MCCC2: variants seen among roughly 807,000 people sequenced by gnomAD.
The protein encoded by MCCC2 is methylcrotonyl-CoA carboxylase subunit 2, also known as methylcrotonoyl-CoA carboxylase beta chain, mitochondrial.
In MCCC2, 52 loss-of-function variants were observed where a neutral mutation model predicts 77.2. That is an observed-to-expected ratio of 0.67 (90% CI 0.54 to 0.85). The LOEUF (loss-of-function observed/expected upper bound fraction) is 0.85, where lower values mean the gene tolerates loss of function less well. Among genes scored for constraint, MCCC2 ranks in the 40% least tolerant of loss-of-function variants. The probability of loss-of-function intolerance (pLI) is 0.00; values close to 1 mark genes in which losing one functional copy is unlikely to be tolerated. For synonymous variants in MCCC2, 253 were observed against 248.4 expected, an observed-to-expected ratio of 1.02 and a Z score of -0.18; for missense variants, 682 against 703.2, an observed-to-expected ratio of 0.97 and a Z score of 0.34.
In MCCC2 at chr5:71,650,161, A is replaced by T. The variant is rs140741456; in HGVS notation, c.1466A>T (p.Gln489Leu). Reference sequence around the variant, plus strand: ...GTGTTGGCCACGATAACAAAGGACCAAAGAGCCCGGGAAGGAAAGCAGGTC... The same window carrying T: ...GTGTTGGCCACGATAACAAAGGACCTAAGAGCCCGGGAAGGAAAGCAGGTC... ...ANVLATITKD[Q>L]RAREGKQFSS... Residue 489 changes from glutamine to leucine, a missense_variant, in exon 15 of 17, where the codon CAA (glutamine) becomes CTA (leucine). Transcript: ENST00000340941. The T allele has an allele frequency of 3.1e-6, 5 of 1,614,052 alleles. No homozygotes were observed. Among genetic ancestry groups the T allele is most frequent in the Non-Finnish European group, 4.2e-6 (5 of 1,180,002 alleles).
At position 71,640,998 on chromosome 5, in the gene MCCC2, C is replaced by T. The variant is rs550520358; in HGVS notation, c.1000-5C>T. On this transcript the variant is annotated splice_polypyrimidine_tract_variant and splice_region_variant and intron_variant, in intron 10 of 16. Coordinates refer to ENST00000340941, the MANE Select transcript of MCCC2 (RefSeq NM_022132.5). The stretch of plus-strand genomic sequence containing the variant: ...TCTCAAGGCCATTGTTGTTTTTCCT[C>T]TTAGGTCATTGCTAGAATCGTGGAT... 1 of 1,613,760 alleles carries T rather than the reference C, an allele frequency of 6.2e-7. No individual in the cohort carries two copies. The highest frequency in any genetic ancestry group is 1.3e-5 in the African/African-American group (1 of 75,052).
intron 6 of MCCC2, among the ~76,000 whole-genome samples, chr5:71,614,969 AT>A (rs942916653): frequency 5.3e-5 from 8 of 151,758 alleles, no homozygotes; most frequent in African/African-American, 1.2e-4. Flanking sequence ...GGGTGGCTAC[AT>A]TTTTTTCCCC....
At position 71,647,978 on chromosome 5, in the gene MCCC2, T is replaced by G. The variant is rs140573292; in HGVS notation, c.1217-1119T>G. On this transcript the variant is annotated intron_variant, in intron 13 of 16. Coordinates refer to ENST00000340941, the MANE Select transcript of MCCC2 (RefSeq NM_022132.5). ...GGTGGGGTGAGAACTTGAAGACAGCTGATATTTGAAGTAGGTATGGTGGGA... is the reference window on the plus strand; with the variant it reads ...GGTGGGGTGAGAACTTGAAGACAGCGGATATTTGAAGTAGGTATGGTGGGA... Among the ~76,000 whole-genome samples, 795 of 152,172 alleles carry G rather than the reference T, an allele frequency of 5.2e-3. 11 individuals are homozygous for G. Among genetic ancestry groups the G allele is most frequent in the African/African-American group, 0.018 (747 of 41,496 alleles).
At chr5:71,622,303 A>G (rs1248642869) in intron 6 of MCCC2, among the ~76,000 whole-genome samples, 1 of 151,968 alleles carries the variant, frequency 6.6e-6, no homozygotes, top group Non-Finnish European at 1.5e-5. Flanking sequence ...CAGGTACCCC[A>G]TAAATATATA....
chr5:71,591,005 C>T (rs1047231193), intron 1 of MCCC2, among the ~76,000 whole-genome samples: 1 of 152,164 alleles, frequency 6.6e-6, no homozygotes, highest in Non-Finnish European at 1.5e-5. Flanking sequence ...GGTTCTTTCC[C>T]TAATACCATG....
chr5:71,604,172 G>A (rs1350005595), intron 5 of MCCC2, among the ~76,000 whole-genome samples, 184 bp from the exon 6 acceptor site: 1 of 152,158 alleles, frequency 6.6e-6, no homozygotes, highest in Non-Finnish European at 1.5e-5. Flanking sequence ...TGATGGGTTT[G>A]GGGCAATGAA....
intron 13 of MCCC2, 60 bp downstream of exon 13, chr5:71,646,337 G>T (rs1747274402): frequency 6.7e-7 from 1 of 1,497,788 alleles, no homozygotes; most frequent in African/African-American, 1.4e-5. Context: ...CATCAGTGTG[G>T]CTCATGTATT....
intron 3 of MCCC2, among the ~76,000 whole-genome samples, chr5:71,598,530 T>C (rs888389105): frequency 1.3e-5 from 2 of 149,216 alleles, no homozygotes; most frequent in African/African-American, 2.5e-5. Flanking sequence ...ACCTCTGCCT[T>C]CCGGATTCAG....
rs915884624 is a variant in MCCC2 at position 71,606,970 on chromosome 5, C to G, written c.624+2502C>G. ...AAGCTTTTTGATGTGCTGCTGGATGCGTTTTGCCAGTATTTTATTGAGGAT... is the reference window on the plus strand; with the variant it reads ...AAGCTTTTTGATGTGCTGCTGGATGGGTTTTGCCAGTATTTTATTGAGGAT... On this transcript the variant is annotated intron_variant, in intron 6 of 16. Transcript: ENST00000340941. Among the ~76,000 whole-genome samples, 30 of 151,232 alleles carry G rather than the reference C, an allele frequency of 2.0e-4. No homozygotes were observed. In the East Asian group the frequency reaches 5.7e-3, roughly 29 times the overall value.
chr5:71,622,300 C>T (rs1746378151), intron 6 of MCCC2, among the ~76,000 whole-genome samples: 1 of 151,770 alleles, frequency 6.6e-6, no homozygotes, highest in Non-Finnish European at 1.5e-5. Context: ...ACTCAGGTAC[C>T]CCATAAATAT....
chr5:71,618,794 A>G (rs1746267899), intron 6 of MCCC2, among the ~76,000 whole-genome samples: 1 of 152,160 alleles, frequency 6.6e-6, no homozygotes, highest in African/African-American at 2.4e-5. Flanking sequence ...TAAGTGTGAG[A>G]CTTAGAATCC....
Position 71,656,774 on chromosome 5 carries a change from G to C in MCCC2, c.1606G>C (p.Asp536His), listed in dbSNP as rs760760954. The change falls in exon 17 of 17, where the codon GAC becomes CAC. Residue 536 changes from aspartate (D) to histidine (H), a missense_variant. Transcript: ENST00000340941. ...VWDDGIIDPA[D>H]TRLVLGLSFS... The stretch of plus-strand genomic sequence containing the variant: ...GGATGATGGGATCATTGATCCAGCA[G>C]ACACCAGACTGGTCTTGGGTCTCAG... 6.2e-7 allele frequency: 1 copy of C among 1,614,132 alleles called. No homozygotes were observed. Among genetic ancestry groups the C allele is most frequent in the Non-Finnish European group, 8.5e-7 (1 of 1,180,008 alleles).
chr5:71,608,506 C>G (rs1745783785), intron 6 of MCCC2, among the ~76,000 whole-genome samples: 1 of 149,080 alleles, frequency 6.7e-6, no homozygotes, highest in Admixed American at 6.8e-5. Flanking sequence ...ATACAGCACA[C>G]TGATGGGTCT....
chr5:71,612,414 A>G (rs1370312322), intron 6 of MCCC2, among the ~76,000 whole-genome samples: 1 of 152,158 alleles, frequency 6.6e-6, no homozygotes, highest in Non-Finnish European at 1.5e-5. Context: ...ATGCCTACCT[A>G]TATGCTTTAT....
chr5:71,590,817 A>C (rs1580266285), intron 1 of MCCC2, among the ~76,000 whole-genome samples: 1 of 51,982 alleles, frequency 1.9e-5, no homozygotes, highest in Admixed American at 1.5e-4. Flanking sequence ...ACTCCGTCTC[A>C]AAAAAAAAAA....
chr5:71,636,389 T>C (rs957303571), intron 10 of MCCC2: 1 of 162,374 alleles, frequency 6.2e-6, no homozygotes, highest in East Asian at 1.8e-4. Flanking sequence ...CAGGAAAAAA[T>C]GGTACTTAAA....
At chr5:71,593,416 T>C (rs1387905005) in intron 2 of MCCC2, among the ~76,000 whole-genome samples, 1 of 152,076 alleles carries the variant, frequency 6.6e-6, no homozygotes, top group Admixed American at 6.6e-5. Context: ...AGACTATGCA[T>C]TTGTTGGTAT....
At chr5:71,620,857 C>T (rs1746328043) in intron 6 of MCCC2, among the ~76,000 whole-genome samples, 1 of 152,156 alleles carries the variant, frequency 6.6e-6, no homozygotes, top group Admixed American at 6.5e-5. Context: ...AATCACCTCA[C>T]CTTGCAAGAG....
intron 5 of MCCC2, among the ~76,000 whole-genome samples, chr5:71,603,792 T>C (rs1277447058): frequency 1.3e-5 from 2 of 152,226 alleles, no homozygotes; most frequent in African/African-American, 4.8e-5. Flanking sequence ...TATACATTTT[T>C]CAAGTCATCC....
Sources: gnomAD v4.1 joint callset for allele counts (sites outside exome capture counted in the v4.1 genomes callset) on GRCh38, gnomAD v4.1.1 for gene constraint, MANE v1.5 for transcripts, NCBI Gene and HGNC (gene_info 2026-07-23, HGNC 2026-07-21) for gene names.